The following RFX8 variants were observed in gnomAD, a reference collection of about 807,000 sequenced individuals.
The protein encoded by RFX8 is DNA-binding protein RFX8.
Under a neutral mutation model 54.6 loss-of-function variants are expected in RFX8, and 46 were observed. The observed-to-expected ratio is 0.84, with a 90% CI of 0.67 to 1.08. The LOEUF is 1.08. Among genes scored for constraint, RFX8 ranks in the 50% least tolerant of loss-of-function variants. The pLI is 0.00. For missense variants in RFX8, 536 were observed against 562.3 expected, an observed-to-expected ratio of 0.95 and a Z score of 0.47; for synonymous variants, 192 against 209.5, an observed-to-expected ratio of 0.92 and a Z score of 0.72.
At chr2:101,437,864 T>C (rs1393555548) in intron 2 of RFX8, among the ~76,000 whole-genome samples, 2 of 62,550 alleles carry the variant, frequency 3.2e-5, no homozygotes, top group African/African-American at 8.3e-5. Context: ...TGCAGGTTCA[T>C]GTATCCACCA....
chr2:101,418,984 A>G lies in RFX8; in HGVS notation c.238-20T>C, dbSNP rs1160730501. 7.1e-7 allele frequency: 1 copy of G among 1,398,826 alleles called. No individual in the cohort carries two copies. The highest frequency in any genetic ancestry group is 9.9e-7 in the Non-Finnish European group (1 of 1,012,036). The allele number at this position is 1,398,826 out of a possible 1,614,324, so 86.7% of individuals were successfully genotyped here. ...CTCCACCTGGGGTAAGTAACAGAGC[A>G]TATCGCCAAAACTCGTTTTCCACCT... On this transcript the variant is annotated intron_variant, in intron 4 of 11. Coordinates refer to ENST00000428343, the MANE Select transcript of RFX8 (RefSeq NM_001145664.2).
chr2:101,404,357 T>A (rs1003365565), intron 10 of RFX8, among the ~76,000 whole-genome samples: 2 of 152,210 alleles, frequency 1.3e-5, no homozygotes, highest in African/African-American at 2.4e-5. Context: ...TTGTTCAAAC[T>A]ACTGGTGTGA....
chr2:101,466,864 G>A lies in RFX8; in HGVS notation c.-16C>T, dbSNP rs1470816881. On this transcript the variant is annotated 5_prime_UTR_variant, in exon 2 of 12. Transcript: ENST00000428343. Reference sequence around the variant, plus strand: ...TCTCATACATGAGACAGCGAGGGACGCTGCACTCTTCGCAAATGCAGAAGT... The same window carrying A: ...TCTCATACATGAGACAGCGAGGGACACTGCACTCTTCGCAAATGCAGAAGT... 5.2e-6 allele frequency: 8 copies of A among 1,545,062 alleles called. No homozygotes were observed. The highest frequency in any genetic ancestry group is 3.6e-5 in the South Asian group (3 of 83,938).
At chr2:101,474,489 C>G (rs888768133) in intron 1 of RFX8, 147 bp downstream of exon 1, 22 of 344,620 alleles carry the variant, frequency 6.4e-5, no homozygotes, top group Non-Finnish European at 1.1e-4. Flanking sequence ...CCACAGCTCC[C>G]CAACCCCCGC....
At chr2:101,470,342 CAG>C in intron 1 of RFX8, among the ~76,000 whole-genome samples, 1 of 152,164 alleles carries the variant, frequency 6.6e-6, no homozygotes, top group Non-Finnish European at 1.5e-5. Flanking sequence ...AGTGGCTACA[CAG>C]AGCACCTGCT....
intron 1 of RFX8, among the ~76,000 whole-genome samples, chr2:101,469,109 T>TATATATATAC (rs1558897018): frequency 3.8e-5 from 1 of 26,046 alleles, no homozygotes; most frequent in African/African-American, 1.3e-4. Context: ...TATATATAAG[T>TATATATATAC]GTATATATAT....
intron 2 of RFX8, chr2:101,452,345 G>A: frequency 3.5e-6 from 4 of 1,148,684 alleles, no homozygotes; most frequent in Non-Finnish European, 4.8e-6. Context: ...CCAAATCCTT[G>A]TTTTTAACAT....
intron 6 of RFX8, among the ~76,000 whole-genome samples, chr2:101,416,528 T>C (rs114874574): frequency 0.019 from 2,910 of 152,166 alleles, 95 homozygotes; most frequent in African/African-American, 0.065. Flanking sequence ...TAGGAGATAA[T>C]TGCAAAGGAA....
chr2:101,468,218 G>A (rs1333606365), intron 1 of RFX8, among the ~76,000 whole-genome samples: 1 of 152,198 alleles, frequency 6.6e-6, no homozygotes, highest in Non-Finnish European at 1.5e-5. Context: ...TCAAACAACA[G>A]AAATGTATTC....
chr2:101,454,382 A>C (rs1165665313), intron 2 of RFX8, among the ~76,000 whole-genome samples: 4 of 152,214 alleles, frequency 2.6e-5, no homozygotes, highest in Non-Finnish European at 5.9e-5. Context: ...TTTATAGTAG[A>C]ATGATTTATA....
chr2:101,407,332 G>A (rs891356884), intron 9 of RFX8, among the ~76,000 whole-genome samples: 5 of 152,206 alleles, frequency 3.3e-5, no homozygotes, highest in Non-Finnish European at 5.9e-5. Flanking sequence ...TGGACTCTTG[G>A]GAGGAGCTCT....
chr2:101,432,382 G>A (rs4850973), intron 2 of RFX8, among the ~76,000 whole-genome samples: 111,190 of 151,502 alleles, frequency 0.73, 42,265 homozygotes, highest in Middle Eastern at 0.88. Flanking sequence ...AGCACCCTGA[G>A]TGTCTGGCAG....
intron 2 of RFX8, among the ~76,000 whole-genome samples, chr2:101,459,626 C>A (rs1464439306): frequency 6.6e-6 from 1 of 152,042 alleles, no homozygotes. Context: ...GAGGGGCACC[C>A]ACCATATGAG....
chr2:101,400,905 T>TAGCCA lies in RFX8; in HGVS notation c.1245+1526_1245+1530dup, dbSNP rs543730521. ...GAGAGCCATCCTCCTAGGTATAGCC[T>TAGCCA]AGCCAAGCCATCGCCTCTTCAGATC... On this transcript the variant is annotated intron_variant, in intron 11 of 11. Coordinates refer to ENST00000428343, the MANE Select transcript of RFX8 (RefSeq NM_001145664.2). Among the ~76,000 whole-genome samples, 523 of 152,290 alleles carry TAGCCA rather than the reference T, an allele frequency of 3.4e-3. 2 individuals carry two copies. Among genetic ancestry groups the TAGCCA allele is most frequent in the Non-Finnish European group, 5.9e-3 (398 of 68,006 alleles).
chr2:101,462,959 G>C (rs1689361904), intron 2 of RFX8, among the ~76,000 whole-genome samples: 1 of 152,184 alleles, frequency 6.6e-6, no homozygotes, highest in Non-Finnish European at 1.5e-5. Flanking sequence ...AGGTAAGGAA[G>C]CAATAAGAGG....
At chr2:101,428,225 C>T (rs1245107465) in intron 2 of RFX8, among the ~76,000 whole-genome samples, 2 of 152,086 alleles carry the variant, frequency 1.3e-5, no homozygotes, top group African/African-American at 2.4e-5. Context: ...CCAGCCTGGG[C>T]AACAAAACGA....
intron 2 of RFX8, among the ~76,000 whole-genome samples, chr2:101,444,393 C>T (rs1688260334): frequency 1.3e-5 from 2 of 152,206 alleles, no homozygotes; most frequent in South Asian, 2.1e-4. Context: ...GGGCAACTGC[C>T]TTCTGTCTAA....
rs538863041 is a variant in RFX8, at chr2:101,413,006, G to T, written c.627C>A (p.Ile209=). 2 of 1,552,024 alleles carry T rather than the reference G, an allele frequency of 1.3e-6. No homozygotes were observed. The highest frequency in any genetic ancestry group is 2.0e-5 in the Admixed American group (1 of 51,000). Residue 209 remains isoleucine, a synonymous_variant, in exon 8 of 12, where the codon ATC becomes ATA. Coordinates refer to ENST00000428343, the MANE Select transcript of RFX8 (RefSeq NM_001145664.2). ...VSVLKSDLQA[I]INQGTLATSK... ...AAGTAGCCAAAGTGCCTTGATTGAT[G>T]ATGGCCTGTAGATCTGACTTCAAAA...
At chr2:101,404,338 C>G (rs964677524) in intron 10 of RFX8, among the ~76,000 whole-genome samples, 1 of 152,196 alleles carries the variant, frequency 6.6e-6, no homozygotes. Context: ...AGTCCAAGTC[C>G]TGAAACCATT....
Sources: gnomAD v4.1 joint callset for allele counts (sites outside exome capture counted in the v4.1 genomes callset) on GRCh38, gnomAD v4.1.1 for gene constraint, MANE v1.5 for transcripts, NCBI Gene and HGNC (gene_info 2026-07-23, HGNC 2026-07-21) for gene names.